Variants in DDX10 observed in about 807,000 individuals in gnomAD.
DDX10 encodes probable ATP-dependent RNA helicase DDX10.
Under a neutral mutation model 104.3 loss-of-function variants are expected in DDX10, and 74 were observed. The observed-to-expected ratio is 0.71, with a 90% CI of 0.59 to 0.86. The LOEUF (loss-of-function observed/expected upper bound fraction) is 0.86. DDX10 is among the 40% of genes least tolerant of loss of function. The probability of loss-of-function intolerance (pLI) is 0.00; values close to 1 mark genes in which losing one functional copy is unlikely to be tolerated. For synonymous variants in DDX10, 351 were observed against 353.4 expected (o/e 0.99, Z 0.08); for missense variants, 952 against 1,040.0 (o/e 0.92, Z 1.16).
chr11:108,698,777 C>A (rs1375127915), intron 9 of DDX10, among the ~76,000 whole-genome samples: 1 of 152,210 alleles, frequency 6.6e-6, no homozygotes, highest in Non-Finnish European at 1.5e-5. Context: ...AAGCCAATGA[C>A]CCCCTGGGCC....
chr11:108,755,121 G>T (rs1312881467), intron 13 of DDX10, among the ~76,000 whole-genome samples: 1 of 151,964 alleles, frequency 6.6e-6, no homozygotes, highest in East Asian at 1.9e-4. Flanking sequence ...CCTGTTCTTG[G>T]CAGGAGATGT....
intron 1 of DDX10, among the ~76,000 whole-genome samples, chr11:108,670,565 C>T (rs1437965511): frequency 6.6e-6 from 1 of 152,160 alleles, no homozygotes; most frequent in Non-Finnish European, 1.5e-5. Flanking sequence ...AGAGGAGGCA[C>T]AGCTGGCATT....
At chr11:108,876,082 A>C (rs1863150484) in intron 16 of DDX10, among the ~76,000 whole-genome samples, 1 of 152,224 alleles carries the variant, frequency 6.6e-6, no homozygotes, top group Admixed American at 6.5e-5. Flanking sequence ...ATCTTTAAGA[A>C]ATATTAGGTC....
intron 13 of DDX10, among the ~76,000 whole-genome samples, chr11:108,753,763 T>C (rs972466971): frequency 3.3e-5 from 5 of 152,042 alleles, no homozygotes; most frequent in Admixed American, 3.3e-4. Flanking sequence ...GAAATTTTTT[T>C]AGTGAAGTTT....
At chr11:108,837,403 T>C (rs1325418253) in intron 13 of DDX10, among the ~76,000 whole-genome samples, 1 of 152,106 alleles carries the variant, frequency 6.6e-6, no homozygotes, top group East Asian at 1.9e-4. Flanking sequence ...ACCTGGGTTA[T>C]GTCTTGTCAC....
At chr11:108,778,891 C>T (rs1389074231) in intron 13 of DDX10, among the ~76,000 whole-genome samples, 3 of 152,200 alleles carry the variant, frequency 2.0e-5, no homozygotes, top group African/African-American at 7.2e-5. Flanking sequence ...TGAACAGACA[C>T]TTCTCAAAAG....
chr11:108,836,162 A>T (rs1862552579), intron 13 of DDX10, among the ~76,000 whole-genome samples: 1 of 152,190 alleles, frequency 6.6e-6, no homozygotes, highest in South Asian at 2.1e-4. Flanking sequence ...GTTACCTCAG[A>T]GGCAATTAAT....
At chr11:108,738,771 A>C (rs528916010) in intron 13 of DDX10, among the ~76,000 whole-genome samples, 1 of 152,124 alleles carries the variant, frequency 6.6e-6, no homozygotes, top group Non-Finnish European at 1.5e-5. Context: ...CTGAGATTCT[A>C]CCCTACTTGC....
chr11:108,931,489 G>A (rs1317931334), intron 17 of DDX10, among the ~76,000 whole-genome samples: 1 of 152,140 alleles, frequency 6.6e-6, no homozygotes, highest in Non-Finnish European at 1.5e-5. Context: ...TTTAATAACA[G>A]TGCTTGAATC....
intron 13 of DDX10, among the ~76,000 whole-genome samples, chr11:108,830,806 A>G (rs1002040721): frequency 6.6e-6 from 1 of 152,220 alleles, no homozygotes; most frequent in Admixed American, 6.5e-5. Flanking sequence ...CTATTGAGAT[A>G]ATCATGTGAT....
intron 16 of DDX10, among the ~76,000 whole-genome samples, chr11:108,871,649 C>T (rs1012319994): frequency 6.6e-6 from 1 of 152,208 alleles, no homozygotes; most frequent in Non-Finnish European, 1.5e-5. Context: ...GAGCTTTGGG[C>T]TGGGCGCGTT....
chr11:108,900,360 C>T (rs1399512699), intron 16 of DDX10, among the ~76,000 whole-genome samples: 2 of 152,154 alleles, frequency 1.3e-5, no homozygotes, highest in Non-Finnish European at 2.9e-5. Context: ...ATAATGGCTT[C>T]CTACTACAGA....
intron 13 of DDX10, among the ~76,000 whole-genome samples, chr11:108,738,717 C>T (rs2094321323): frequency 6.6e-6 from 1 of 152,152 alleles, no homozygotes; most frequent in South Asian, 2.1e-4. Flanking sequence ...GATTCATTTA[C>T]TGACGAAAGA....
At chr11:108,839,084 C>T (rs142104330) in intron 14 of DDX10, among the ~76,000 whole-genome samples, 9 of 152,100 alleles carry the variant, frequency 5.9e-5, no homozygotes, top group Non-Finnish European at 8.8e-5. Context: ...AAATACATAC[C>T]CATAGTATAG....
At chr11:108,747,392 C>T (rs544851016) in intron 13 of DDX10, among the ~76,000 whole-genome samples, 5 of 152,148 alleles carry the variant, frequency 3.3e-5, no homozygotes, top group South Asian at 2.1e-4. Flanking sequence ...GGCCAGAGTG[C>T]AGTGATTGAT....
chr11:108,836,350 T>G (rs1307994018), intron 13 of DDX10, among the ~76,000 whole-genome samples: 1 of 152,224 alleles, frequency 6.6e-6, no homozygotes, highest in Non-Finnish European at 1.5e-5. Context: ...ACAACTTTCT[T>G]GTAGTTAAAT....
chr11:108,859,025 G>C (rs1862907006), intron 16 of DDX10, among the ~76,000 whole-genome samples: 1 of 152,156 alleles, frequency 6.6e-6, no homozygotes. Flanking sequence ...CATGGTGAAT[G>C]TTGCATTTGA....
intron 6 of DDX10, among the ~76,000 whole-genome samples, chr11:108,680,551 A>T (rs2094233454): frequency 6.6e-6 from 1 of 152,216 alleles, no homozygotes; most frequent in African/African-American, 2.4e-5. Context: ...TTCATATGAC[A>T]ATTAGAAGCA....
intron 13 of DDX10, among the ~76,000 whole-genome samples, chr11:108,750,926 C>CTTTTTTTTT (rs10582729): frequency 1.2e-4 from 3 of 24,262 alleles, no homozygotes; most frequent in Admixed American, 7.9e-4. Context: ...CACCTGGTTA[C>CTTTTTTTTT]TTTTTTTTTT....
Sources: gnomAD v4.1 joint callset for allele counts (sites outside exome capture counted in the v4.1 genomes callset) on GRCh38, gnomAD v4.1.1 for gene constraint, MANE v1.5 for transcripts, NCBI Gene and HGNC (gene_info 2026-07-23, HGNC 2026-07-21) for gene names.